The following SMAD4 variants were observed in gnomAD, a reference collection of about 807,000 sequenced individuals.
SMAD4 encodes MAD homolog 4.
A neutral mutation model predicts 63.2 loss-of-function variants in SMAD4; 7 were observed. The observed-to-expected ratio is 0.11, with a 90% confidence interval of 0.06 to 0.21. SMAD4 has a LOEUF of 0.21. SMAD4 is among the 10% of genes least tolerant of loss of function. The probability of loss-of-function intolerance (pLI) is 1.00; values close to 1 mark genes in which losing one functional copy is unlikely to be tolerated. For missense variants in SMAD4, 312 were observed against 693.8 expected, an observed-to-expected ratio of 0.45 and a Z score of 6.18; for synonymous variants, 215 against 235.4, an observed-to-expected ratio of 0.91 and a Z score of 0.79.
At chr18:51,042,800 C>T (rs979026209) in intron 1 of SMAD4, among the ~76,000 whole-genome samples, 1 of 152,184 alleles carries the variant, frequency 6.6e-6, no homozygotes, top group Non-Finnish European at 1.5e-5. Flanking sequence ...CTCCTGGGCT[C>T]AAGCAGTCCT....
chr18:51,058,494 T>TTC, intron 7 of SMAD4, 38 bp downstream of exon 7: 1 of 1,409,524 alleles, frequency 7.1e-7, no homozygotes, highest in Non-Finnish European at 1.0e-6. Flanking sequence ...TATTTTTTTT[T>TTC]TTTTTTTGGT....
At chr18:51,049,699 A>G (rs1220693170) in intron 4 of SMAD4, 1 of 207,384 alleles carries the variant, frequency 4.8e-6, no homozygotes, top group Non-Finnish European at 9.8e-6. Context: ...TTGGAATCAC[A>G]TATAACATAT....
intron 1 of SMAD4, among the ~76,000 whole-genome samples, chr18:51,043,936 A>G (rs1454392339): frequency 1.3e-5 from 2 of 152,222 alleles, no homozygotes; most frequent in East Asian, 1.9e-4. Context: ...CTTGCCTGGT[A>G]TATGTCAGGA....
intron 10 of SMAD4, among the ~76,000 whole-genome samples, chr18:51,070,545 A>T (rs1910289520): frequency 6.6e-6 from 1 of 152,224 alleles, no homozygotes; most frequent in Non-Finnish European, 1.5e-5. Flanking sequence ...ACTAGTCAGA[A>T]AGAGACAGTT....
intron 10 of SMAD4, among the ~76,000 whole-genome samples, chr18:51,068,145 C>T (rs1432293805): frequency 6.6e-6 from 1 of 152,098 alleles, no homozygotes; most frequent in African/African-American, 2.4e-5. Flanking sequence ...AATGGAATTG[C>T]CTGATTACCT....
intron 2 of SMAD4, 79 bp from the exon 3 acceptor site, chr18:51,048,607 A>C (rs912213401): frequency 9.6e-6 from 12 of 1,250,144 alleles, no homozygotes; most frequent in Admixed American, 1.8e-5. Context: ...AGTTGGTAGG[A>C]TTGTGAGGAT....
At position 51,046,985 on chromosome 18, in the gene SMAD4, A is replaced by G. The variant is rs1909563409; in HGVS notation, c.-62A>G. The G allele has an allele frequency of 6.6e-7, 1 of 1,520,832 alleles. No individual in the cohort carries two copies. The highest frequency in any genetic ancestry group is 9.1e-7 in the Non-Finnish European group (1 of 1,096,566). 94.2% of individuals were successfully genotyped at this position (1,520,832 alleles called of 1,614,324 possible). A position where few individuals can be genotyped will look rare whatever the true frequency, so the allele number is the denominator to read the frequency against. ...TAGCTGTTGTTTTTCACTGTTTCCA[A>G]AGGATCAAAATTGCTTCAGAAATTG... On this transcript the variant is annotated 5_prime_UTR_variant, in exon 2 of 12. Transcript: ENST00000342988.
intron 5 of SMAD4, among the ~76,000 whole-genome samples, chr18:51,055,862 T>A (rs1392805640): frequency 3.3e-5 from 5 of 152,180 alleles, no homozygotes; most frequent in Non-Finnish European, 7.4e-5. Flanking sequence ...AAAGTACCAT[T>A]ATTGTATTTG....
intron 1 of SMAD4, among the ~76,000 whole-genome samples, chr18:51,031,589 C>G (rs1909051618): frequency 6.6e-6 from 1 of 152,172 alleles, no homozygotes; most frequent in African/African-American, 2.4e-5. Flanking sequence ...AATTGACTTT[C>G]TGCAAACATA....
At chr18:51,032,188 A>G (rs1599170859) in intron 1 of SMAD4, among the ~76,000 whole-genome samples, 2 of 152,324 alleles carry the variant, frequency 1.3e-5, no homozygotes, top group Admixed American at 1.3e-4. Flanking sequence ...AAAAGTCGTT[A>G]TAACATTTTG....
chr18:51,054,560 A>T, intron 4 of SMAD4: 1 of 520,084 alleles, frequency 1.9e-6, no homozygotes, highest in Non-Finnish European at 3.4e-6. Flanking sequence ...TTTGAGAGTC[A>T]GATTGATTGA....
In SMAD4 at chr18:51,081,936, T is replaced by TTC. The variant is rs777249272; in HGVS notation, c.*3470_*3471insCT. 30 of 231,946 alleles carry TTC rather than the reference T, an allele frequency of 1.3e-4. No individual in the cohort carries two copies. The highest frequency in any genetic ancestry group is 1.9e-4 in the Non-Finnish European group (22 of 117,338). The allele number at this position is 231,946 out of a possible 1,614,324, so 14.4% of individuals were successfully genotyped here. ...TGGTTTGATGGTAACTGGTTAATAG[T>TTC]TACTCACCATTTTATGCAGAGTCAC... On this transcript the variant is annotated 3_prime_UTR_variant, in exon 12 of 12. Coordinates refer to ENST00000342988, the MANE Select transcript of SMAD4 (RefSeq NM_005359.6).
rs115310318 is a variant in SMAD4 at position 51,039,352 on chromosome 18, G to C, written c.-127-7568G>C. The stretch of plus-strand genomic sequence containing the variant: ...ATTGGCTTGGTCTGGAGATAGAGCT[G>C]ACCTCAGATTGCTATATCCAGGGTT... On this transcript the variant is annotated intron_variant, in intron 1 of 11. Transcript: ENST00000342988. 7.1e-3 allele frequency among the ~76,000 whole-genome samples: 1,083 copies of C among 152,260 alleles called. 10 individuals are homozygous for C. The highest frequency in any genetic ancestry group is 0.025 in the African/African-American group (1,024 of 41,546).
chr18:51,071,493 T>C (rs982428302), intron 10 of SMAD4, among the ~76,000 whole-genome samples: 4 of 152,248 alleles, frequency 2.6e-5, no homozygotes, highest in African/African-American at 9.6e-5. Flanking sequence ...TTACAAGCTT[T>C]AAATGAAGCA....
At chr18:51,066,061 A>G (rs927390155) in intron 9 of SMAD4, among the ~76,000 whole-genome samples, 12 of 152,174 alleles carry the variant, frequency 7.9e-5, no homozygotes, top group East Asian at 3.8e-4. Flanking sequence ...TTAAAAGTTT[A>G]TATAATGAGG....
intron 7 of SMAD4, 38 bp downstream of exon 7, chr18:51,058,494 T>C: frequency 7.1e-7 from 1 of 1,409,524 alleles, no homozygotes; most frequent in Non-Finnish European, 1.0e-6. Context: ...TATTTTTTTT[T>C]TTTTTTTGGT....
rs1180823138 is a variant in SMAD4 at position 51,059,219 on chromosome 18, C to A, written c.905-647C>A. 2.6e-5 allele frequency among the ~76,000 whole-genome samples: 4 copies of A among 151,904 alleles called. No individual in the cohort carries two copies. The East Asian group carries it at 7.7e-4, about 29-fold the overall frequency. On this transcript the variant is annotated intron_variant, in intron 7 of 11. Coordinates refer to ENST00000342988, the MANE Select transcript of SMAD4 (RefSeq NM_005359.6). ...TTTTCAGTTATGTTACTATTTTTTC[C>A]ATTTCTTAAGAGAATGTAATTTTTA... is the stretch of plus-strand genomic sequence containing the variant.
chr18:51,056,220 C>T (rs776717096), intron 5 of SMAD4, among the ~76,000 whole-genome samples: 3 of 152,092 alleles, frequency 2.0e-5, no homozygotes, highest in Non-Finnish European at 4.4e-5. Context: ...GCCACTTGAA[C>T]GTAGATTAGT....
chr18:51,033,571 TAAAATGAG>T (rs1006342121), intron 1 of SMAD4, among the ~76,000 whole-genome samples: 1 of 152,246 alleles, frequency 6.6e-6, no homozygotes, highest in Non-Finnish European at 1.5e-5. Flanking sequence ...TCAATTGTTT[TAAAATGAG>T]AAATTCAAAC....
Sources: allele counts gnomAD v4.1 joint callset (sites outside exome capture counted in the v4.1 genomes callset), GRCh38; gene constraint gnomAD v4.1.1; transcripts MANE v1.5; gene names NCBI Gene and HGNC (gene_info 2026-07-23, HGNC 2026-07-21).